ADAMTS6: variants seen among roughly 807,000 people sequenced by gnomAD.
ADAMTS6 encodes A disintegrin and metalloproteinase with thrombospondin motifs 6.
ADAMTS6 carries 23 observed loss-of-function variants against 144.3 expected under a neutral mutation model. The ratio of observed to expected loss-of-function variants is 0.16; its 90% CI spans 0.11 to 0.23. ADAMTS6 has a LOEUF of 0.23. Ranked by LOEUF, ADAMTS6 falls within the 10% of genes least tolerant of loss-of-function variation. The pLI is 1.00. For missense variants in ADAMTS6, 999 were observed against 1,379.6 expected, an observed-to-expected ratio of 0.72 and a Z score of 4.37; for synonymous variants, 444 against 457.5, an observed-to-expected ratio of 0.97 and a Z score of 0.38.
intron 20 of ADAMTS6, among the ~76,000 whole-genome samples, chr5:65,199,065 C>T (rs559623312): frequency 1.3e-5 from 2 of 152,162 alleles, no homozygotes; most frequent in East Asian, 3.9e-4. Flanking sequence ...ATCCATCCAT[C>T]CTGGTTCAAT....
intron 7 of ADAMTS6, among the ~76,000 whole-genome samples, chr5:65,337,788 G>T (rs1020027862): frequency 6.6e-6 from 1 of 151,760 alleles, no homozygotes; most frequent in Non-Finnish European, 1.5e-5. Context: ...CCATACTGTG[G>T]GTTTACCTTA....
chr5:65,451,195 A>G (rs958094824), intron 7 of ADAMTS6: 7 of 268,190 alleles, frequency 2.6e-5, no homozygotes, highest in African/African-American at 1.6e-4. Context: ...CAAATCATCT[A>G]CATGCTTTTG....
At chr5:65,170,828 T>C in intron 23 of ADAMTS6, 55 bp from the exon 24 acceptor site, 2 of 1,550,444 alleles carry the variant, frequency 1.3e-6, no homozygotes, top group South Asian at 1.2e-5. Context: ...TTTCAGGAGG[T>C]AAAAAATATA....
chr5:65,198,735 A>G (rs1471325657), intron 20 of ADAMTS6: 4 of 166,302 alleles, frequency 2.4e-5, no homozygotes, highest in Non-Finnish European at 4.4e-5. Context: ...AACATAGTCA[A>G]ACAACTTACT....
At chr5:65,288,948 G>A (rs1183165271) in intron 11 of ADAMTS6, among the ~76,000 whole-genome samples, 1 of 152,182 alleles carries the variant, frequency 6.6e-6, no homozygotes, top group Admixed American at 6.5e-5. Flanking sequence ...ATATAAACCA[G>A]CGTAGATTTG....
chr5:65,405,062 T>C (rs1386656293), intron 7 of ADAMTS6, among the ~76,000 whole-genome samples: 3 of 152,182 alleles, frequency 2.0e-5, no homozygotes, highest in African/African-American at 7.2e-5. Flanking sequence ...GTCAGATGAG[T>C]AGATTGCAAA....
At chr5:65,399,569 A>G (rs1234245479) in intron 7 of ADAMTS6, among the ~76,000 whole-genome samples, 1 of 151,838 alleles carries the variant, frequency 6.6e-6, no homozygotes, top group Admixed American at 6.6e-5. Flanking sequence ...TGCAATATAC[A>G]TTTACAACTA....
rs1262837224 is a variant in ADAMTS6 at position 65,244,785 on chromosome 5, C to A, written c.1831-2579G>T. Among the ~76,000 whole-genome samples, 3 of 152,130 alleles carry A rather than the reference C, an allele frequency of 2.0e-5. No individual in the cohort carries two copies. The East Asian group carries it at 5.8e-4, about 29-fold the overall frequency. On this transcript the variant is annotated intron_variant, in intron 14 of 24. Coordinates refer to ENST00000381055, the MANE Select transcript of ADAMTS6 (RefSeq NM_197941.4). ...TTCACGATAAGTGTGGGAGTCTCCT[C>A]TGGACACTCTCCAAATGCTACAATA...
At chr5:65,277,086 T>C (rs1290697499) in intron 11 of ADAMTS6, among the ~76,000 whole-genome samples, 1 of 152,170 alleles carries the variant, frequency 6.6e-6, no homozygotes, top group Non-Finnish European at 1.5e-5. Context: ...AGAGAGAAGT[T>C]ATCCACAGTC....
chr5:65,318,343 T>C (rs892852646), intron 9 of ADAMTS6, among the ~76,000 whole-genome samples: 13 of 152,030 alleles, frequency 8.6e-5, no homozygotes, highest in Admixed American at 6.6e-5. Flanking sequence ...AACCTAAAAA[T>C]AGAACTACCA....
chr5:65,417,847 T>C (rs1035892185), intron 7 of ADAMTS6, among the ~76,000 whole-genome samples: 1 of 152,112 alleles, frequency 6.6e-6, no homozygotes, highest in Non-Finnish European at 1.5e-5. Context: ...ACTACCAATG[T>C]CATTTTTCAC....
chr5:65,212,149 T>C (rs528417880), intron 20 of ADAMTS6, among the ~76,000 whole-genome samples: 1 of 152,282 alleles, frequency 6.6e-6, no homozygotes, highest in South Asian at 2.1e-4. Context: ...AAATTAGCAT[T>C]TCTAACAAGT....
At chr5:65,454,655 T>C (rs934405464) in intron 4 of ADAMTS6, among the ~76,000 whole-genome samples, 11 of 152,224 alleles carry the variant, frequency 7.2e-5, no homozygotes, top group African/African-American at 2.7e-4. Context: ...TACATGATTA[T>C]GTTACATAAT....
At chr5:65,323,836 T>A (rs1195768472) in intron 9 of ADAMTS6, among the ~76,000 whole-genome samples, 1 of 152,228 alleles carries the variant, frequency 6.6e-6, no homozygotes, top group Non-Finnish European at 1.5e-5. Flanking sequence ...GGTATCTCAT[T>A]GTGGTTTTGA....
intron 7 of ADAMTS6, among the ~76,000 whole-genome samples, chr5:65,361,583 C>G (rs990020840): frequency 6.6e-6 from 1 of 152,116 alleles, no homozygotes; most frequent in Non-Finnish European, 1.5e-5. Flanking sequence ...GGAGGTGCCA[C>G]CAAATTCAAG....
At chr5:65,238,368 C>T (rs966840878) in intron 15 of ADAMTS6, among the ~76,000 whole-genome samples, 5 of 151,838 alleles carry the variant, frequency 3.3e-5, no homozygotes, top group African/African-American at 1.2e-4. Flanking sequence ...TTTGGGAGGT[C>T]GAGTCATGTG....
chr5:65,321,654 G>C (rs1380957635), intron 9 of ADAMTS6, among the ~76,000 whole-genome samples: 1 of 150,574 alleles, frequency 6.6e-6, no homozygotes, highest in African/African-American at 2.4e-5. Context: ...GTTCTTTCAG[G>C]GTTTTATAGT....
chr5:65,156,606 A>T (rs1362561079), intron 24 of ADAMTS6, among the ~76,000 whole-genome samples: 1 of 152,196 alleles, frequency 6.6e-6, no homozygotes, highest in Non-Finnish European at 1.5e-5. Context: ...ATTCAAAAGA[A>T]TTACTTAGTT....
intron 7 of ADAMTS6, among the ~76,000 whole-genome samples, chr5:65,430,624 A>T (rs934581556): frequency 3.3e-5 from 5 of 152,190 alleles, no homozygotes; most frequent in Non-Finnish European, 7.4e-5. Context: ...TACCCAATGT[A>T]AATAAAGCTC....
Sources: gnomAD v4.1 joint callset for allele counts (sites outside exome capture counted in the v4.1 genomes callset) on GRCh38, gnomAD v4.1.1 for gene constraint, MANE v1.5 for transcripts, NCBI Gene and HGNC (gene_info 2026-07-23, HGNC 2026-07-21) for gene names.